Variants in ZSCAN5A observed in about 807,000 individuals in gnomAD.
The protein encoded by ZSCAN5A is zinc finger and SCAN domain-containing protein 5A.
Under a neutral mutation model 23.7 loss-of-function variants are expected in ZSCAN5A, and 12 were observed. The ratio of observed to expected loss-of-function variants is 0.51; its 90% CI spans 0.32 to 0.82. The LOEUF (loss-of-function observed/expected upper bound fraction) is 0.82. Among genes scored for constraint, ZSCAN5A ranks in the 40% least tolerant of loss-of-function variants. The probability of loss-of-function intolerance (pLI) is 0.03; values close to 1 mark genes in which losing one functional copy is unlikely to be tolerated. For missense variants in ZSCAN5A, 597 were observed against 617.9 expected, an observed-to-expected ratio of 0.97 and a Z score of 0.36; for synonymous variants, 257 against 239.9, an observed-to-expected ratio of 1.07 and a Z score of -0.66.
chr19:56,348,200 A>C (rs1023961235), intron 2 of ZSCAN5A: 1 of 152,224 alleles, frequency 6.6e-6, no homozygotes, highest in Non-Finnish European at 1.5e-5. Context: ...TAAAGGAAGG[A>C]AAGTAAACCT....
intron 2 of ZSCAN5A, among the ~76,000 whole-genome samples, chr19:56,262,926 G>A (rs936792866): frequency 3.9e-5 from 6 of 152,038 alleles, no homozygotes; most frequent in Non-Finnish European, 8.8e-5. Flanking sequence ...GCTGTAAGTC[G>A]TTTTGCATAT....
chr19:56,227,391 G>T (rs749914292), intron 2 of ZSCAN5A, among the ~76,000 whole-genome samples: 14 of 152,184 alleles, frequency 9.2e-5, no homozygotes, highest in Non-Finnish European at 1.8e-4. Context: ...ATTAAAAGTG[G>T]TTTTGCCAGA....
chr19:56,237,873 T>C (rs1215851469), intron 2 of ZSCAN5A, among the ~76,000 whole-genome samples: 1 of 144,784 alleles, frequency 6.9e-6, no homozygotes, highest in East Asian at 2.1e-4. Context: ...CCTGAGATTG[T>C]GCCACTGTGC....
At chr19:56,284,263 T>G in intron 2 of ZSCAN5A, 1 of 811,706 alleles carries the variant, frequency 1.2e-6, no homozygotes, top group Non-Finnish European at 1.5e-6. Flanking sequence ...CGGGAAATTT[T>G]GGGCTTTGCT....
At chr19:56,255,531 T>C (rs183316679) in intron 2 of ZSCAN5A, among the ~76,000 whole-genome samples, 43 of 152,144 alleles carry the variant, frequency 2.8e-4, no homozygotes, top group Middle Eastern at 6.9e-3. Context: ...ATCTCACTGT[T>C]TCACTCCCTC....
intron 2 of ZSCAN5A, chr19:56,246,729 A>C (rs1055816481): frequency 7.7e-7 from 1 of 1,297,378 alleles, no homozygotes; most frequent in African/African-American, 1.5e-5. Flanking sequence ...CCCTTCTTCC[A>C]GCAGGTGTGG....
chr19:56,321,594 C>T (rs983147381), intron 2 of ZSCAN5A: 1 of 789,900 alleles, frequency 1.3e-6, no homozygotes, highest in South Asian at 1.3e-5. Context: ...GTGGCATCCC[C>T]ATATCTGGCA....
rs115565193 is a variant in ZSCAN5A, at chr19:56,344,178, G to A, written c.-358+19057C>T. 9.1e-3 allele frequency among the ~76,000 whole-genome samples: 1,389 copies of A among 152,286 alleles called. 13 individuals carry two copies. Among genetic ancestry groups the A allele is most frequent in the African/African-American group, 0.031 (1,300 of 41,550 alleles). On this transcript the variant is annotated intron_variant, in intron 2 of 6. Transcript: ENST00000587340. ...TGGGCATAGGCCAAACAAACTTTGG[G>A]AGGAACTCACTTTATATTTAGCTTT...
intron 2 of ZSCAN5A, among the ~76,000 whole-genome samples, chr19:56,327,293 T>C (rs2041443565): frequency 6.6e-6 from 1 of 151,970 alleles, no homozygotes; most frequent in Non-Finnish European, 1.5e-5. Context: ...TGTTTTTTAT[T>C]CTTTATAGAA....
chr19:56,293,821 A>G (rs1254823196), intron 2 of ZSCAN5A, among the ~76,000 whole-genome samples: 1 of 152,106 alleles, frequency 6.6e-6, no homozygotes, highest in Non-Finnish European at 1.5e-5. Flanking sequence ...GTTGCTACAC[A>G]TCCTACAATG....
At chr19:56,261,571 T>A (rs1053992857) in intron 2 of ZSCAN5A, among the ~76,000 whole-genome samples, 7 of 152,114 alleles carry the variant, frequency 4.6e-5, no homozygotes, top group African/African-American at 1.7e-4. Flanking sequence ...CTTGAAAGTG[T>A]CTTTCAGGAC....
intron 2 of ZSCAN5A, among the ~76,000 whole-genome samples, chr19:56,240,316 A>T (rs1379115790): frequency 1.3e-5 from 2 of 152,354 alleles, no homozygotes; most frequent in African/African-American, 4.8e-5. Context: ...GGCATGTTTA[A>T]TACTTTAACT....
chr19:56,269,718 C>A (rs560291122), intron 2 of ZSCAN5A, among the ~76,000 whole-genome samples: 58 of 152,222 alleles, frequency 3.8e-4, no homozygotes, highest in African/African-American at 1.4e-3. Flanking sequence ...GATTTGAAGA[C>A]GCCATGCTGT....
At chr19:56,337,928 T>C (rs907787083) in intron 2 of ZSCAN5A, among the ~76,000 whole-genome samples, 2 of 152,220 alleles carry the variant, frequency 1.3e-5, no homozygotes, top group African/African-American at 4.8e-5. Flanking sequence ...ATATGCTATT[T>C]CGTGGCTTTT....
chr19:56,310,246 GGAGGGT>G (rs1256043578), intron 2 of ZSCAN5A: 3 of 152,258 alleles, frequency 2.0e-5, no homozygotes, highest in Non-Finnish European at 4.4e-5. Flanking sequence ...CTGCCTGTGT[GGAGGGT>G]AATGAACTGG....
chr19:56,345,174 T>C (rs1600296435), intron 2 of ZSCAN5A, among the ~76,000 whole-genome samples: 1 of 152,138 alleles, frequency 6.6e-6, no homozygotes, highest in Admixed American at 6.5e-5. Flanking sequence ...ACTTTAATAA[T>C]AATTTTAAAG....
At chr19:56,353,643 G>A (rs781155124) in intron 2 of ZSCAN5A, among the ~76,000 whole-genome samples, 28 of 151,988 alleles carry the variant, frequency 1.8e-4, no homozygotes, top group Non-Finnish European at 2.5e-4. Flanking sequence ...TTAGCTGCGC[G>A]TGGTGGCAGG....
At chr19:56,276,468 T>C (rs1439531366) in intron 2 of ZSCAN5A, among the ~76,000 whole-genome samples, 1 of 151,092 alleles carries the variant, frequency 6.6e-6, no homozygotes, top group Non-Finnish European at 1.5e-5. Flanking sequence ...TTAGGGCCAC[T>C]GAACACGCGA....
intron 2 of ZSCAN5A, chr19:56,343,520 T>G: frequency 2.5e-6 from 1 of 399,454 alleles, no homozygotes; most frequent in Non-Finnish European, 4.9e-6. Context: ...GAAGCTGCTC[T>G]AAGTGTATTT....
Sources: allele counts gnomAD v4.1 joint callset (sites outside exome capture counted in the v4.1 genomes callset), GRCh38; gene constraint gnomAD v4.1.1; transcripts MANE v1.5; gene names NCBI Gene and HGNC (gene_info 2026-07-23, HGNC 2026-07-21).